SCN7A: variants seen among roughly 807,000 people sequenced by gnomAD.
The protein encoded by SCN7A is sodium voltage-gated channel alpha subunit 7.
In SCN7A, 138 loss-of-function variants were observed where a neutral mutation model predicts 155.2. The ratio of observed to expected loss-of-function variants is 0.89; its 90% CI spans 0.77 to 1.02. The LOEUF (loss-of-function observed/expected upper bound fraction) is 1.02, where lower values mean the gene tolerates loss of function less well. Among genes scored for constraint, SCN7A ranks in the 50% least tolerant of loss-of-function variants. SCN7A has a pLI of 0.00. For missense variants in SCN7A, 2,058 were observed against 1,986.6 expected (o/e 1.04, Z -0.68); for synonymous variants, 693 against 649.0 (o/e 1.07, Z -1.03).
At position 166,413,430 on chromosome 2, in the gene SCN7A, A is replaced by C. The variant is rs567909889; in HGVS notation, c.3415-309T>G. The stretch of plus-strand genomic sequence containing the variant: ...TGTCATGGTGACTTGTAGCTGCTAC[A>C]CATGTGCTTTTCTGTGAGAGACATA... On this transcript the variant is annotated intron_variant, in intron 21 of 25. Coordinates refer to ENST00000643258, the MANE Select transcript of SCN7A (RefSeq NM_002976.4). Among the ~76,000 whole-genome samples the C allele has an allele frequency of 3.3e-4, 51 of 152,246 alleles. 1 individual carries two copies. In the South Asian group the frequency reaches 5.0e-3, roughly 15 times the overall value.
chr2:166,477,357 T>A, intron 3 of SCN7A, 106 bp downstream of exon 3: 1 of 772,404 alleles, frequency 1.3e-6, no homozygotes, highest in Non-Finnish European at 2.0e-6. Flanking sequence ...ATCAGATCTT[T>A]CCCTGTTTTT....
intron 19 of SCN7A, among the ~76,000 whole-genome samples, chr2:166,422,233 A>G (rs1212012594): frequency 6.6e-6 from 1 of 152,168 alleles, no homozygotes. Flanking sequence ...CAACAAAAAT[A>G]CTGAGAACCT....
At chr2:166,447,769 G>A (rs1380132240) in intron 11 of SCN7A, 61 bp from the exon 12 acceptor site, 11 of 1,187,568 alleles carry the variant, frequency 9.3e-6, no homozygotes, top group Middle Eastern at 3.8e-4. Flanking sequence ...AAGACTATAA[G>A]AAGGTGCACA....
chr2:166,486,674 C>T (rs2105536150), intron 2 of SCN7A, among the ~76,000 whole-genome samples, 182 bp downstream of exon 2: 1 of 152,184 alleles, frequency 6.6e-6, no homozygotes, highest in East Asian at 1.9e-4. Flanking sequence ...TGTGCTGCAG[C>T]CTTTGAGATG....
chr2:166,479,417 A>T (rs942642589), intron 2 of SCN7A, among the ~76,000 whole-genome samples: 79 of 152,288 alleles, frequency 5.2e-4, no homozygotes, highest in African/African-American at 1.9e-3. Context: ...GGGAGGATAC[A>T]TGGTACATTT....
In SCN7A at chr2:166,416,869, G is replaced by A; in HGVS notation, c.3252C>T (p.Phe1084=). Reference sequence around the variant, plus strand: ...CACTTGTTGGGTCAATGCATTCATAGAATCTGCCAGCAAATAAGTCTACTC... The same window carrying A: ...CACTTGTTGGGTCAATGCATTCATAAAATCTGCCAGCAAATAAGTCTACTC... ...IMGVDLFAGR[F]YECIDPTSGE... Residue 1084 remains phenylalanine (F), a synonymous_variant, in exon 21 of 26, where the codon TTC becomes TTT. Coordinates refer to ENST00000643258, the MANE Select transcript of SCN7A (RefSeq NM_002976.4). 2 of 1,613,560 alleles carry A rather than the reference G, an allele frequency of 1.2e-6. No homozygotes were observed. Among genetic ancestry groups the A allele is most frequent in the Non-Finnish European group, 8.5e-7 (1 of 1,179,714 alleles).
chr2:166,436,409 G>A (rs1182015059), intron 15 of SCN7A: 14 of 441,208 alleles, frequency 3.2e-5, no homozygotes, highest in African/African-American at 8.1e-5. Flanking sequence ...CTCTTCCACC[G>A]TGATTGTAAG....
At chr2:166,451,882 C>A (rs1466773435) in intron 11 of SCN7A, among the ~76,000 whole-genome samples, 1 of 152,066 alleles carries the variant, frequency 6.6e-6, no homozygotes, top group Non-Finnish European at 1.5e-5. Flanking sequence ...TATTAGTGGT[C>A]TATTTTTCCT....
chr2:166,441,135 C>T (rs1399120843), intron 15 of SCN7A: 3 of 432,276 alleles, frequency 6.9e-6, no homozygotes, highest in Non-Finnish European at 1.2e-5. Context: ...TTAAAAAATG[C>T]ATTCAATATA....
At chr2:166,476,703 A>C (rs1179313384) in intron 3 of SCN7A, among the ~76,000 whole-genome samples, 3 of 151,924 alleles carry the variant, frequency 2.0e-5, no homozygotes, top group Admixed American at 6.6e-5. Context: ...TATCTCCATT[A>C]TCTCACCTCA....
rs544020323 is a variant in SCN7A, at chr2:166,479,363, G to C, written c.-14-1653C>G. 5.9e-5 allele frequency among the ~76,000 whole-genome samples: 9 copies of C among 152,208 alleles called. 1 individual carries two copies. In the South Asian group the frequency reaches 1.9e-3, roughly 32 times the overall value. On this transcript the variant is annotated intron_variant, in intron 2 of 25. Coordinates refer to ENST00000643258, the MANE Select transcript of SCN7A (RefSeq NM_002976.4). ...GCTAGCATAAGTAAATGACGGGCAG[G>C]ATATATTTTAAATATACAAAACGCA... is the stretch of plus-strand genomic sequence containing the variant.
At chr2:166,432,816 GT>G in intron 15 of SCN7A, 64 bp from the exon 16 acceptor site, 1 of 1,237,916 alleles carries the variant, frequency 8.1e-7, no homozygotes, top group African/African-American at 1.5e-5. Flanking sequence ...GTAATGAAAA[GT>G]TTGTTTACAA....
intron 20 of SCN7A, among the ~76,000 whole-genome samples, chr2:166,419,893 T>C (rs1701475527): frequency 6.6e-6 from 1 of 152,142 alleles, no homozygotes; most frequent in Non-Finnish European, 1.5e-5. Context: ...GAATTTTATG[T>C]ATTTACTACA....
chr2:166,441,255 T>C lies in SCN7A; in HGVS notation c.2157+141A>G, dbSNP rs374407786. ...ATGGAACTAATCATATATCAGTTGA[T>C]AATGGCCACATCTGGCTAGTGGGTT... On this transcript the variant is annotated intron_variant, in intron 15 of 25. Transcript: ENST00000643258. 21 of 560,186 alleles carry C rather than the reference T, an allele frequency of 3.7e-5. 1 individual carries two copies. Among genetic ancestry groups the C allele is most frequent in the African/African-American group, 2.1e-4 (11 of 53,112 alleles). 34.7% of individuals were successfully genotyped at this position (560,186 alleles called of 1,614,324 possible).
chr2:166,414,245 A>AATATAG, intron 21 of SCN7A, among the ~76,000 whole-genome samples: 1 of 84,248 alleles, frequency 1.2e-5, no homozygotes, highest in Non-Finnish European at 2.2e-5. Context: ...TATATATGTA[A>AATATAG]ATATATATAG....
At chr2:166,453,600 G>A (rs533553868) in intron 11 of SCN7A, among the ~76,000 whole-genome samples, 1 of 152,192 alleles carries the variant, frequency 6.6e-6, no homozygotes, top group Non-Finnish European at 1.5e-5. Flanking sequence ...ACATTTTACA[G>A]ATAAAAAAGT....
In SCN7A at chr2:166,432,376, A is replaced by G. The variant is rs778895389; in HGVS notation, c.2534T>C (p.Ile845Thr). The change falls in exon 16 of 26, where the codon ATA (isoleucine) becomes ACA (threonine). Residue 845 changes from isoleucine (I) to threonine (T), a missense_variant. Physicochemically the swap from Ile to Thr is moderately conservative, Grantham distance 89 (BLOSUM62 -1). Coordinates refer to ENST00000643258, the MANE Select transcript of SCN7A (RefSeq NM_002976.4). Reference protein sequence around the residue: ...TVPIASGESDIENLDNKEIQS... With the variant: ...TVPIASGESDTENLDNKEIQS... ...AATCTCCTTATTATCCAGATTTTCT[A>G]TATCAGATTCTCCTGAAGCAATTGG... The G allele has an allele frequency of 4.3e-6, 7 of 1,613,000 alleles. No homozygotes were observed. In the Admixed American group the frequency reaches 5.0e-5, roughly 12 times the overall value.
At chr2:166,425,869 CAT>C (rs1329651202) in intron 18 of SCN7A, among the ~76,000 whole-genome samples, 2 of 152,038 alleles carry the variant, frequency 1.3e-5, no homozygotes, top group Non-Finnish European at 2.9e-5. Context: ...ATGTCATGGA[CAT>C]ATTTGAGGAC....
chr2:166,420,724 C>T (rs1258803084), intron 20 of SCN7A, among the ~76,000 whole-genome samples: 5 of 151,900 alleles, frequency 3.3e-5, no homozygotes, highest in African/African-American at 1.2e-4. Context: ...GGTAAGAAAT[C>T]ATCACTTGTG....
Sources: gnomAD v4.1 joint callset for allele counts (sites outside exome capture counted in the v4.1 genomes callset) on GRCh38, gnomAD v4.1.1 for gene constraint, MANE v1.5 for transcripts, NCBI Gene and HGNC (gene_info 2026-07-23, HGNC 2026-07-21) for gene names.